The following CPT1A variants were observed in gnomAD, a reference collection of about 807,000 sequenced individuals.
The protein encoded by CPT1A is carnitine O-palmitoyltransferase 1, liver isoform.
Under a neutral mutation model 100.8 loss-of-function variants are expected in CPT1A, and 64 were observed. That is an observed-to-expected ratio of 0.63 (90% CI 0.52 to 0.78). The LOEUF is 0.78. CPT1A is among the 30% of genes least tolerant of loss of function. CPT1A has a pLI of 0.00. For synonymous variants in CPT1A, 363 were observed against 396.0 expected, an observed-to-expected ratio of 0.92 and a Z score of 0.99; for missense variants, 802 against 1,034.1, an observed-to-expected ratio of 0.78 and a Z score of 3.08.
intron 1 of CPT1A, among the ~76,000 whole-genome samples, chr11:68,837,711 T>G (rs144473484): frequency 1.6e-3 from 239 of 152,234 alleles, no homozygotes; most frequent in African/African-American, 5.1e-3. Context: ...AGGGGGCTTA[T>G]GCCTGTAATC....
chr11:68,836,446 C>T (rs1857011979), intron 1 of CPT1A, among the ~76,000 whole-genome samples: 1 of 152,050 alleles, frequency 6.6e-6, no homozygotes, highest in African/African-American at 2.4e-5. Context: ...CGGCACTGCA[C>T]TCCAGCTTGG....
chr11:68,785,674 T>C lies in CPT1A; in HGVS notation c.968-664A>G, dbSNP rs1461646373. 20 of 190,670 alleles carry C rather than the reference T, an allele frequency of 1.0e-4. No individual in the cohort carries two copies. In the Admixed American group the frequency reaches 1.2e-3, roughly 11 times the overall value. The allele number at this position is 190,670 out of a possible 1,614,324, so 11.8% of individuals were successfully genotyped here. A position where few individuals can be genotyped will look rare whatever the true frequency, so the allele number is the denominator to read the frequency against. On this transcript the variant is annotated intron_variant, in intron 9 of 18. Coordinates refer to ENST00000265641, the MANE Select transcript of CPT1A (RefSeq NM_001876.4). ...TCTCCTCAGTAAAATGGAGGTCATA[T>C]GTTCCCCATATGCACTGTGCAAGAA...
At chr11:68,807,387 G>T in intron 4 of CPT1A, 80 bp downstream of exon 4, 1 of 1,395,238 alleles carries the variant, frequency 7.2e-7, no homozygotes, top group Non-Finnish European at 1.0e-6. Context: ...AGGTCGCAGG[G>T]GTGTCCTTCC....
chr11:68,801,068 C>G (rs1294039886), intron 5 of CPT1A, among the ~76,000 whole-genome samples: 1 of 152,110 alleles, frequency 6.6e-6, no homozygotes, highest in African/African-American at 2.4e-5. Flanking sequence ...AGGACGGTGC[C>G]ACTGCATTCC....
intron 1 of CPT1A, among the ~76,000 whole-genome samples, chr11:68,828,806 G>A (rs972422091): frequency 3.3e-5 from 5 of 152,158 alleles, no homozygotes; most frequent in Non-Finnish European, 7.4e-5. Flanking sequence ...CAACTAAACC[G>A]TTAGTCTCTG....
chr11:68,775,500 A>T, intron 12 of CPT1A, 68 bp from the exon 13 acceptor site: 1 of 1,216,878 alleles, frequency 8.2e-7, no homozygotes, highest in East Asian at 2.3e-5. Flanking sequence ...CTCCAACATG[A>T]AGAGAGGGTT....
intron 4 of CPT1A, among the ~76,000 whole-genome samples, chr11:68,804,984 G>A (rs930516188): frequency 6.6e-6 from 1 of 152,208 alleles, no homozygotes; most frequent in African/African-American, 2.4e-5. Context: ...TCTTGGTACT[G>A]CAGGGCATTG....
intron 1 of CPT1A, among the ~76,000 whole-genome samples, chr11:68,830,413 G>A (rs1856848409): frequency 6.6e-6 from 1 of 152,200 alleles, no homozygotes; most frequent in Non-Finnish European, 1.5e-5. Flanking sequence ...CCCAGGTGGA[G>A]CATGGGAGCC....
At chr11:68,776,676 C>T (rs1041588617) in intron 12 of CPT1A, among the ~76,000 whole-genome samples, 4 of 152,010 alleles carry the variant, frequency 2.6e-5, no homozygotes, top group Admixed American at 6.6e-5. Flanking sequence ...GTCAGGAGTT[C>T]GAGACCAAGC....
intron 2 of CPT1A, among the ~76,000 whole-genome samples, chr11:68,814,168 CTATGA>C (rs1417375566): frequency 4.6e-5 from 7 of 152,010 alleles, no homozygotes; most frequent in African/African-American, 1.7e-4. Context: ...CTTGTTCCTT[CTATGA>C]TGTTTAAAAT....
chr11:68,781,732 A>G, intron 11 of CPT1A, 39 bp downstream of exon 11: 1 of 1,595,808 alleles, frequency 6.3e-7, no homozygotes, highest in Non-Finnish European at 8.6e-7. Flanking sequence ...TTCCAAGCTC[A>G]TGGGCAAACT....
At chr11:68,769,956 G>A (rs1158267543) in intron 14 of CPT1A, among the ~76,000 whole-genome samples, 2 of 152,114 alleles carry the variant, frequency 1.3e-5, no homozygotes, top group Non-Finnish European at 2.9e-5. Flanking sequence ...GGCTGAGGCA[G>A]GAGAATCACT....
chr11:68,812,231 TAC>T (rs1354746749), intron 3 of CPT1A, among the ~76,000 whole-genome samples: 1 of 152,116 alleles, frequency 6.6e-6, no homozygotes, highest in Non-Finnish European at 1.5e-5. Flanking sequence ...CACCCTGGTC[TAC>T]AGAGGAAAGG....
intron 1 of CPT1A, among the ~76,000 whole-genome samples, chr11:68,823,183 G>A (rs901118351): frequency 6.6e-6 from 1 of 152,052 alleles, no homozygotes; most frequent in Non-Finnish European, 1.5e-5. Context: ...CTGGAAGTTC[G>A]AAGCTGCAGT....
intron 3 of CPT1A, among the ~76,000 whole-genome samples, chr11:68,809,547 G>A (rs916644699): frequency 4.6e-5 from 7 of 152,120 alleles, no homozygotes; most frequent in African/African-American, 1.7e-4. Context: ...TGCTCAGGCT[G>A]ATCTTGAACT....
chr11:68,774,841 T>C (rs939859689), intron 13 of CPT1A, among the ~76,000 whole-genome samples: 5 of 151,350 alleles, frequency 3.3e-5, no homozygotes, highest in Admixed American at 1.3e-4. Flanking sequence ...AATTTCTCCT[T>C]GGATTAAGTG....
chr11:68,776,196 C>T (rs1444332645), intron 12 of CPT1A, among the ~76,000 whole-genome samples: 1 of 152,112 alleles, frequency 6.6e-6, no homozygotes, highest in Non-Finnish European at 1.5e-5. Context: ...GCCAGGAGTT[C>T]CAAACCAGCT....
intron 5 of CPT1A, among the ~76,000 whole-genome samples, chr11:68,803,351 G>T (rs1387244198): frequency 6.6e-6 from 1 of 152,162 alleles, no homozygotes; most frequent in Admixed American, 6.5e-5. Context: ...TACTAGGTGG[G>T]GGGAGGGAAG....
intron 9 of CPT1A, among the ~76,000 whole-genome samples, chr11:68,789,310 C>G (rs886666249): frequency 6.6e-6 from 1 of 152,054 alleles, no homozygotes; most frequent in Non-Finnish European, 1.5e-5. Context: ...TGATGGGATC[C>G]TCCGGTGGGG....
Sources: gnomAD v4.1 joint callset for allele counts (sites outside exome capture counted in the v4.1 genomes callset) on GRCh38, gnomAD v4.1.1 for gene constraint, MANE v1.5 for transcripts, NCBI Gene and HGNC (gene_info 2026-07-23, HGNC 2026-07-21) for gene names.